ST7: variants seen among roughly 807,000 people sequenced by gnomAD.
ST7 encodes suppression of tumorigenicity 7.
Under a neutral mutation model 78.7 loss-of-function variants are expected in ST7, and 28 were observed. The observed-to-expected ratio is 0.36, with a 90% CI of 0.26 to 0.49. The LOEUF is 0.49. ST7 is among the 20% of genes least tolerant of loss of function. The pLI is 0.99. For missense variants in ST7, 418 were observed against 696.0 expected (o/e 0.60, Z 4.49); for synonymous variants, 247 against 249.6 (o/e 0.99, Z 0.10).
intron 1 of ST7, among the ~76,000 whole-genome samples, chr7:116,996,890 C>T (rs958685497): frequency 6.6e-6 from 1 of 152,096 alleles, no homozygotes; most frequent in Non-Finnish European, 1.5e-5. Flanking sequence ...GAAAAGGATT[C>T]GATAGCCAGT....
chr7:116,956,374 C>A, intron 1 of ST7: 1 of 419,902 alleles, frequency 2.4e-6, no homozygotes, highest in Admixed American at 2.7e-5. Context: ...CTTGTCCTTG[C>A]AGGGAGGTCT....
At chr7:117,149,974 C>T (rs1324365654) in intron 9 of ST7, among the ~76,000 whole-genome samples, 1 of 152,058 alleles carries the variant, frequency 6.6e-6, no homozygotes, top group East Asian at 1.9e-4. Flanking sequence ...ATGGAAAGAT[C>T]GTCAGGTCTT....
intron 1 of ST7, among the ~76,000 whole-genome samples, chr7:117,019,688 G>A (rs931110631): frequency 2.0e-5 from 3 of 152,176 alleles, no homozygotes; most frequent in Non-Finnish European, 4.4e-5. Context: ...GCCAAGCAGT[G>A]TTCTAAGTAC....
intron 1 of ST7, among the ~76,000 whole-genome samples, chr7:117,089,544 G>A (rs1249542668): frequency 6.6e-6 from 1 of 151,162 alleles, no homozygotes; most frequent in Non-Finnish European, 1.5e-5. Context: ...ATAACCTAGA[G>A]CACTTCAACA....
intron 1 of ST7, among the ~76,000 whole-genome samples, chr7:116,993,817 T>C (rs916822277): frequency 6.6e-6 from 1 of 152,234 alleles, no homozygotes; most frequent in African/African-American, 2.4e-5. Context: ...TAAGAGAGGT[T>C]CTAAATACAT....
chr7:117,007,979 A>G (rs1463177734), intron 1 of ST7, among the ~76,000 whole-genome samples: 1 of 152,204 alleles, frequency 6.6e-6, no homozygotes, highest in African/African-American at 2.4e-5. Flanking sequence ...TAAAACTGTA[A>G]GAATCTGTGT....
chr7:117,188,719 A>T (rs1809494430), intron 10 of ST7, among the ~76,000 whole-genome samples: 2 of 152,136 alleles, frequency 1.3e-5, no homozygotes, highest in South Asian at 4.1e-4. Context: ...TAAAGATTTC[A>T]TACATATACC....
Position 117,190,731 on chromosome 7 carries a change from A to G in ST7, c.1152-103A>G. 1 of 861,808 alleles carries G rather than the reference A, an allele frequency of 1.2e-6. No homozygotes were observed. Among genetic ancestry groups the G allele is most frequent in the Non-Finnish European group, 1.9e-6 (1 of 530,646 alleles). 53.4% of individuals were successfully genotyped at this position (861,808 alleles called of 1,614,324 possible). The stretch of plus-strand genomic sequence containing the variant: ...AGTAGAAGTTTGGAGAGCTCATGCT[A>G]TTGGCTCACTGTGGTTTTATGGGCC... On this transcript the variant is annotated intron_variant, in intron 11 of 15. Transcript: ENST00000323984. The surrounding 1 kb of genome is among the most constrained non-coding windows in gnomAD (Gnocchi z 5.2).
intron 9 of ST7, chr7:117,144,254 C>T (rs1462831272): frequency 6.6e-6 from 1 of 152,038 alleles, no homozygotes; most frequent in East Asian, 1.9e-4. Flanking sequence ...CAGGTGACCT[C>T]TTGGAGTGGG....
intron 1 of ST7, among the ~76,000 whole-genome samples, chr7:117,078,381 C>T (rs1799512418): frequency 1.3e-5 from 2 of 152,198 alleles, no homozygotes; most frequent in African/African-American, 2.4e-5. Context: ...AGGAGCATTG[C>T]TCATTAGTTG....
intron 1 of ST7, among the ~76,000 whole-genome samples, chr7:116,963,855 A>G (rs1304920840): frequency 6.6e-6 from 1 of 151,304 alleles, no homozygotes; most frequent in Admixed American, 6.6e-5. Flanking sequence ...GTGGTCTCAA[A>G]CTCCTGACTT....
At chr7:117,081,023 G>T (rs1400708520) in intron 1 of ST7, 2 of 152,112 alleles carry the variant, frequency 1.3e-5, no homozygotes, top group East Asian at 3.8e-4. Flanking sequence ...AGGGTATGAT[G>T]ACTTCCCAGG....
intron 1 of ST7, among the ~76,000 whole-genome samples, chr7:117,002,988 A>G (rs957581405): frequency 2.6e-5 from 4 of 151,054 alleles, no homozygotes; most frequent in Non-Finnish European, 5.9e-5. Context: ...GTGCCCAGCT[A>G]ATTTTTTGTA....
At chr7:116,998,700 A>G (rs1794793668) in intron 1 of ST7, among the ~76,000 whole-genome samples, 1 of 152,272 alleles carries the variant, frequency 6.6e-6, no homozygotes, top group Non-Finnish European at 1.5e-5. Context: ...TACTGTCCTC[A>G]TGGAACTTAT....
At chr7:117,044,781 CTG>C (rs962527504) in intron 1 of ST7, among the ~76,000 whole-genome samples, 4 of 152,202 alleles carry the variant, frequency 2.6e-5, no homozygotes, top group African/African-American at 9.6e-5. Flanking sequence ...TCTCTAAACA[CTG>C]TGTATTTGCA....
chr7:117,014,212 C>T (rs1490352600), intron 1 of ST7, among the ~76,000 whole-genome samples: 2 of 151,998 alleles, frequency 1.3e-5, no homozygotes, highest in Non-Finnish European at 1.5e-5. Context: ...CGTCTTTTGG[C>T]AAGGTAAATA....
chr7:117,023,960 C>T (rs1270197029), intron 1 of ST7, among the ~76,000 whole-genome samples: 1 of 151,926 alleles, frequency 6.6e-6, no homozygotes, highest in East Asian at 1.9e-4. Context: ...CAGGCATGTG[C>T]CATGACACCC....
At chr7:117,201,756 C>T (rs1337497335) in intron 12 of ST7, among the ~76,000 whole-genome samples, 1 of 152,018 alleles carries the variant, frequency 6.6e-6, no homozygotes, top group Non-Finnish European at 1.5e-5. Flanking sequence ...CTTGGCCTCC[C>T]AAAGTGCTGG....
At chr7:117,085,027 T>C (rs1263220021) in intron 1 of ST7, among the ~76,000 whole-genome samples, 1 of 152,170 alleles carries the variant, frequency 6.6e-6, no homozygotes, top group Non-Finnish European at 1.5e-5. Flanking sequence ...AAGTCAGTCC[T>C]GGCGCTTGTT....
Sources: gnomAD v4.1 joint callset for allele counts (sites outside exome capture counted in the v4.1 genomes callset) on GRCh38, gnomAD v4.1.1 for gene constraint, Gnocchi (gnomAD v3.1) non-coding constraint, MANE v1.5 for transcripts, NCBI Gene and HGNC (gene_info 2026-07-23, HGNC 2026-07-21) for gene names.